The following STARD3NL variants were observed in gnomAD, a reference collection of about 807,000 sequenced individuals.
STARD3NL encodes the protein STARD3 N-terminal-like protein.
Under a neutral mutation model 30.9 loss-of-function variants are expected in STARD3NL, and 17 were observed. That is an observed-to-expected ratio of 0.55 (90% CI 0.38 to 0.82). The LOEUF is 0.82. STARD3NL is among the 40% of genes least tolerant of loss of function. The pLI, the probability that STARD3NL is intolerant of heterozygous loss-of-function variation, is 0.00. For missense variants in STARD3NL, 234 were observed against 277.6 expected (o/e 0.84, Z 1.12); for synonymous variants, 112 against 100.5 (o/e 1.11, Z -0.69).
At chr7:38,200,926 G>A (rs1019856124) in intron 1 of STARD3NL, among the ~76,000 whole-genome samples, 2 of 152,162 alleles carry the variant, frequency 1.3e-5, no homozygotes, top group African/African-American at 2.4e-5. Context: ...AGTTTGAATA[G>A]TATGTTTCTA....
intron 7 of STARD3NL, among the ~76,000 whole-genome samples, chr7:38,225,342 A>G (rs1786697663): frequency 6.6e-6 from 1 of 152,102 alleles, no homozygotes; most frequent in African/African-American, 2.4e-5. Context: ...TTAAATTTTG[A>G]TTAAGTGTAG....
rs539461583 is a variant in STARD3NL, at chr7:38,185,394, A to C, written c.-59+6974A>C. On this transcript the variant is annotated intron_variant, in intron 1 of 8. Transcript: ENST00000009041. ...GTTCTTGTATATCACATCATAGGAG[A>C]TAACATATGTAACTTCTGCCTGTTG... 4.2e-4 allele frequency among the ~76,000 whole-genome samples: 64 copies of C among 152,184 alleles called. 2 individuals carry two copies. Among genetic ancestry groups the C allele is most frequent in the Non-Finnish European group, 4.4e-4 (30 of 68,034 alleles).
intron 5 of STARD3NL, 51 bp from the exon 6 acceptor site, chr7:38,217,137 C>T (rs1246672853): frequency 6.2e-7 from 1 of 1,613,450 alleles, no homozygotes; most frequent in Admixed American, 1.7e-5. Context: ...CCTCGTTTTT[C>T]AGTGTGAGTT....
At chr7:38,221,002 G>A (rs1786431070) in intron 7 of STARD3NL, among the ~76,000 whole-genome samples, 1 of 152,102 alleles carries the variant, frequency 6.6e-6, no homozygotes, top group African/African-American at 2.4e-5. Flanking sequence ...ACTATAACAT[G>A]TATGAACTGT....
intron 2 of STARD3NL, 113 bp downstream of exon 2, chr7:38,207,842 A>G (rs944583908): frequency 2.9e-6 from 3 of 1,029,776 alleles, no homozygotes; most frequent in African/African-American, 3.2e-5. Context: ...TCTTTTTCCA[A>G]ATGAAGCCAT....
chr7:38,223,490 A>C (rs962737471), intron 7 of STARD3NL, among the ~76,000 whole-genome samples: 1 of 152,184 alleles, frequency 6.6e-6, no homozygotes. Flanking sequence ...GAATTGCTCA[A>C]TTGCATAATA....
rs746283785 is a variant in STARD3NL, at chr7:38,219,545, C to G, written c.554-20C>G. On this transcript the variant is annotated intron_variant, in intron 6 of 8. Coordinates refer to ENST00000009041, the MANE Select transcript of STARD3NL (RefSeq NM_032016.4). ...AGAAAGGTGACCTCATTCCCAACAT[C>G]TGAATTTCTTCTCTTCCAGGACTCC... is the stretch of plus-strand genomic sequence containing the variant. The G allele has an allele frequency of 6.4e-7, 1 of 1,564,518 alleles. No individual in the cohort carries two copies. The highest frequency in any genetic ancestry group is 8.8e-7 in the Non-Finnish European group (1 of 1,142,300).
intron 1 of STARD3NL, among the ~76,000 whole-genome samples, chr7:38,203,221 G>A (rs1214249187): frequency 6.6e-6 from 1 of 152,084 alleles, no homozygotes; most frequent in East Asian, 1.9e-4. Context: ...AAGTGTTAAG[G>A]GCAGCCAGAG....
At chr7:38,182,154 ACAGTTTTTTG>A (rs1469977598) in intron 1 of STARD3NL, among the ~76,000 whole-genome samples, 1 of 152,138 alleles carries the variant, frequency 6.6e-6, no homozygotes, top group Non-Finnish European at 1.5e-5. Flanking sequence ...ATATACGTGC[ACAGTTTTTTG>A]CAGATTGTAG....
At chr7:38,207,874 G>A (rs1386240971) in intron 2 of STARD3NL, 145 bp downstream of exon 2, 2 of 750,586 alleles carry the variant, frequency 2.7e-6, no homozygotes, top group Admixed American at 2.9e-5. Context: ...TCCTGATTTG[G>A]ACCTTTCTTG....
chr7:38,187,245 G>A (rs966871409), intron 1 of STARD3NL, among the ~76,000 whole-genome samples: 1 of 152,122 alleles, frequency 6.6e-6, no homozygotes, highest in Non-Finnish European at 1.5e-5. Context: ...GCAGCTGTGT[G>A]GCATCTTCCC....
intron 1 of STARD3NL, among the ~76,000 whole-genome samples, chr7:38,186,610 T>G (rs1360413573): frequency 1.3e-5 from 2 of 152,226 alleles, no homozygotes; most frequent in Admixed American, 1.3e-4. Context: ...ATTTTTGCTG[T>G]ATTGTTTCTG....
intron 1 of STARD3NL, among the ~76,000 whole-genome samples, chr7:38,180,792 A>G (rs957743248): frequency 6.6e-6 from 1 of 152,226 alleles, no homozygotes; most frequent in African/African-American, 2.4e-5. Context: ...TAGAGATCAC[A>G]TGATTCACCC....
chr7:38,228,380 GCT>G (rs1786904789), intron 7 of STARD3NL, among the ~76,000 whole-genome samples: 2 of 152,190 alleles, frequency 1.3e-5, no homozygotes, highest in African/African-American at 4.8e-5. Context: ...CTGCCACAGT[GCT>G]CTCTCACTGC....
intron 1 of STARD3NL, among the ~76,000 whole-genome samples, chr7:38,204,690 T>A (rs909130328): frequency 6.6e-6 from 1 of 152,016 alleles, no homozygotes; most frequent in Non-Finnish European, 1.5e-5. Flanking sequence ...AATCAATGAA[T>A]CCAGGAGCTG....
rs1455303347 is a variant in STARD3NL at position 38,230,001 on chromosome 7, A to G, written c.*96A>G. On this transcript the variant is annotated 3_prime_UTR_variant, in exon 9 of 9. Transcript: ENST00000009041. ...TCTCCCTGTCGACAGTAAAGTTGAA[A>G]TGGTGACGTCCACTGCTGGCTTTAT... The G allele has an allele frequency of 6.5e-6, 1 of 152,686 alleles. No homozygotes were observed. 9.5% of individuals were successfully genotyped at this position (152,686 alleles called of 1,614,324 possible).
intron 1 of STARD3NL, among the ~76,000 whole-genome samples, chr7:38,182,356 T>C (rs145644363): frequency 9.3e-4 from 141 of 152,328 alleles, no homozygotes; most frequent in Non-Finnish European, 1.6e-3. Context: ...GAAGGCACAC[T>C]GTCACAAATA....
chr7:38,194,929 C>T (rs1461744916), intron 1 of STARD3NL, among the ~76,000 whole-genome samples: 1 of 152,060 alleles, frequency 6.6e-6, no homozygotes. Context: ...AAGTAAATGT[C>T]AAAACCTTTC....
At position 38,195,162 on chromosome 7, in the gene STARD3NL, T is replaced by C. The variant is rs147922146; in HGVS notation, c.-58-12285T>C. Among the ~76,000 whole-genome samples, 351 of 152,270 alleles carry C rather than the reference T, an allele frequency of 2.3e-3. 3 individuals carry two copies. The highest frequency in any genetic ancestry group is 8.1e-3 in the African/African-American group (336 of 41,552). The stretch of plus-strand genomic sequence containing the variant: ...AACCTCTGCCTCCCTGTTCAAGTGA[T>C]TCTCCTGCCTCAGCCTCCTGAGTCG... On this transcript the variant is annotated intron_variant, in intron 1 of 8. Transcript: ENST00000009041.
Sources: gnomAD v4.1 joint callset for allele counts (sites outside exome capture counted in the v4.1 genomes callset) on GRCh38, gnomAD v4.1.1 for gene constraint, MANE v1.5 for transcripts, NCBI Gene and HGNC (gene_info 2026-07-23, HGNC 2026-07-21) for gene names.